The following C20orf203 variants were observed in gnomAD, a reference collection of about 807,000 sequenced individuals.
C20orf203 encodes the protein uncharacterized protein C20orf203.
A neutral mutation model predicts 15.9 loss-of-function variants in C20orf203; 16 were observed. The observed-to-expected ratio is 1.01, with a 90% CI of 0.68 to 1.53. C20orf203 has a LOEUF of 1.53. Ranked by LOEUF, C20orf203 falls within the 40% of genes most tolerant of loss-of-function variation. The pLI, the probability that C20orf203 is intolerant of heterozygous loss-of-function variation, is 0.00. For synonymous variants in C20orf203, 98 were observed against 97.2 expected (o/e 1.01, Z -0.05); for missense variants, 263 against 247.5 (o/e 1.06, Z -0.42).
rs567793523 is a variant in C20orf203, at chr20:32,635,064, G to T, written c.*1300-794C>A. ...AAAATACAAAAATTAGCCGGGCATGGTGGTGCATGCCTGTAATCCCAGCTA... is the reference window on the plus strand; with the variant it reads ...AAAATACAAAAATTAGCCGGGCATGTTGGTGCATGCCTGTAATCCCAGCTA... On this transcript the variant is annotated intron_variant, in intron 5 of 5. Coordinates refer to ENST00000608990, the MANE Select transcript of C20orf203 (RefSeq NM_182584.4). 7.2e-5 allele frequency among the ~76,000 whole-genome samples: 11 copies of T among 152,290 alleles called. No individual in the cohort carries two copies. In the South Asian group the frequency reaches 1.9e-3, roughly 26 times the overall value.
chr20:32,659,718 C>T (rs1487823521), intron 1 of C20orf203, among the ~76,000 whole-genome samples: 2 of 152,240 alleles, frequency 1.3e-5, no homozygotes, highest in Admixed American at 6.5e-5. Context: ...GGCCACTTGT[C>T]CATGTCCCAC....
At chr20:32,662,503 A>G (rs1352681001) in intron 1 of C20orf203, among the ~76,000 whole-genome samples, 7 of 152,176 alleles carry the variant, frequency 4.6e-5, no homozygotes. Context: ...CTGGAGGCTG[A>G]GGCAGGAGAA....
chr20:32,651,105 CA>C lies in C20orf203; in HGVS notation c.47del (p.Leu16ArgfsTer28), dbSNP rs1982608548. 7.0e-7 allele frequency: 1 copy of C among 1,423,722 alleles called. No individual in the cohort carries two copies. Among genetic ancestry groups the C allele is most frequent in the African/African-American group, 1.5e-5 (1 of 67,286 alleles). 88.2% of individuals were successfully genotyped at this position (1,423,722 alleles called of 1,614,324 possible). Reference sequence around the variant, plus strand: ...GATCCAGCATGTTGGGAGGCTGAGGCAGGAGAATCGCTTGAGCCCGGGAGTT... The same window carrying C: ...GATCCAGCATGTTGGGAGGCTGAGGCGGAGAATCGCTTGAGCCCGGGAGTT... ...VLNSRAQAIL[L>X]PQPPNMLDHR... On this transcript the variant is annotated frameshift_variant, in exon 3 of 6. Transcript: ENST00000608990. LOFTEE classifies it high-confidence loss of function.
chr20:32,635,441 G>T (rs1239361581), intron 5 of C20orf203, among the ~76,000 whole-genome samples: 2 of 150,058 alleles, frequency 1.3e-5, no homozygotes. Context: ...GGTTGCAGAA[G>T]GCCAAGATCG....
intron 1 of C20orf203, among the ~76,000 whole-genome samples, chr20:32,655,949 C>T (rs1982743761): frequency 6.6e-6 from 1 of 152,218 alleles, no homozygotes; most frequent in Non-Finnish European, 1.5e-5. Context: ...GCTTGGTGCC[C>T]TCCTCACAGT....
chr20:32,652,223 C>T (rs1982647114), intron 1 of C20orf203, among the ~76,000 whole-genome samples: 1 of 145,648 alleles, frequency 6.9e-6, no homozygotes, highest in Non-Finnish European at 1.5e-5. Context: ...GCACGAGAAT[C>T]ACTTGAACCT....
chr20:32,664,350 C>T (rs1010458928), intron 1 of C20orf203, among the ~76,000 whole-genome samples: 4 of 152,212 alleles, frequency 2.6e-5, no homozygotes, highest in Non-Finnish European at 5.9e-5. Context: ...TGGTCTCCAG[C>T]CTGGATCCCC....
At chr20:32,643,670 C>T (rs1330389817) in intron 4 of C20orf203, among the ~76,000 whole-genome samples, 4 of 129,490 alleles carry the variant, frequency 3.1e-5, no homozygotes, top group Non-Finnish European at 6.9e-5. Context: ...CACACACACA[C>T]ACACGAAAGT....
intron 1 of C20orf203, among the ~76,000 whole-genome samples, chr20:32,661,517 C>G (rs1982891199): frequency 6.6e-6 from 1 of 152,188 alleles, no homozygotes; most frequent in Admixed American, 6.5e-5. Context: ...CCCCTGAACC[C>G]TGAACACAAG....
At chr20:32,658,464 A>T (rs926190232) in intron 1 of C20orf203, among the ~76,000 whole-genome samples, 4 of 151,746 alleles carry the variant, frequency 2.6e-5, no homozygotes, top group African/African-American at 9.7e-5. Flanking sequence ...TAATTTTTGA[A>T]TTTTTTCTTT....
intron 5 of C20orf203, among the ~76,000 whole-genome samples, chr20:32,639,491 T>C (rs78356544): frequency 0.013 from 2,039 of 152,182 alleles, 20 homozygotes; most frequent in Middle Eastern, 0.02. Context: ...ATAAGTGTCA[T>C]TATGAGGAGC....
At chr20:32,655,840 T>C (rs1182142699) in intron 1 of C20orf203, among the ~76,000 whole-genome samples, 1 of 152,178 alleles carries the variant, frequency 6.6e-6, no homozygotes, top group Non-Finnish European at 1.5e-5. Flanking sequence ...GTTGGGATGT[T>C]TGTCTCCTCC....
intron 1 of C20orf203, among the ~76,000 whole-genome samples, chr20:32,652,757 G>A (rs191783397): frequency 6.6e-6 from 1 of 152,308 alleles, no homozygotes; most frequent in East Asian, 1.9e-4. Flanking sequence ...CTGCTGCTGG[G>A]CAATTTGGTG....
At chr20:32,634,641 G>A (rs1982088775) in intron 5 of C20orf203, among the ~76,000 whole-genome samples, 2 of 152,158 alleles carry the variant, frequency 1.3e-5, no homozygotes, top group Admixed American at 1.3e-4. Context: ...GCCACGAGAA[G>A]GGGCCACACT....
At chr20:32,664,555 A>T (rs970045832) in intron 1 of C20orf203, among the ~76,000 whole-genome samples, 24 of 152,272 alleles carry the variant, frequency 1.6e-4, no homozygotes, top group African/African-American at 5.3e-4. Flanking sequence ...CTTGAGGTCG[A>T]TGGAAACCCA....
chr20:32,636,313 TTCTC>T (rs1218653226), intron 5 of C20orf203, among the ~76,000 whole-genome samples: 2 of 152,220 alleles, frequency 1.3e-5, no homozygotes, highest in African/African-American at 2.4e-5. Context: ...AATTTGCTTT[TTCTC>T]TCTCTCTTTG....
chr20:32,650,618 C>A lies in C20orf203; in HGVS notation c.399G>T (p.Gly133=), dbSNP rs1359022484. Reference sequence around the variant, plus strand: ...TTCTGGGCATCCCTCCCATTGCCCTCCCCCGCCCAGCAGGGGCCCGCAGCC... The same window carrying A: ...TTCTGGGCATCCCTCCCATTGCCCTACCCCGCCCAGCAGGGGCCCGCAGCC... ...GRGLRAPAGR[G]RAMGGMPRMG... Residue 133 remains glycine (G), a synonymous_variant, in exon 4 of 6, where the codon GGG becomes GGT. Transcript: ENST00000608990. The A allele has an allele frequency of 2.7e-5, 41 of 1,540,642 alleles. No homozygotes were observed. Among genetic ancestry groups the A allele is most frequent in the Non-Finnish European group, 3.3e-5 (38 of 1,138,308 alleles).
At chr20:32,661,266 G>A (rs1360898780) in intron 1 of C20orf203, among the ~76,000 whole-genome samples, 1 of 152,214 alleles carries the variant, frequency 6.6e-6, no homozygotes, top group African/African-American at 2.4e-5. Flanking sequence ...TGAGGGCTCA[G>A]AGGTGAACCA....
rs1247525514 is a variant in C20orf203 at position 32,654,484 on chromosome 20, C to G, written c.-263-2503G>C. ...CAACTTGGTTCTTTACAGAAATTGA[C>G]AAGCTGATCCTAAAATTCATATGGA... On this transcript the variant is annotated intron_variant, in intron 1 of 5. Coordinates refer to ENST00000608990, the MANE Select transcript of C20orf203 (RefSeq NM_182584.4). 2.0e-5 allele frequency among the ~76,000 whole-genome samples: 3 copies of G among 152,284 alleles called. No individual in the cohort carries two copies. In the East Asian group the frequency reaches 5.8e-4, roughly 29 times the overall value.
Sources: allele counts gnomAD v4.1 joint callset (sites outside exome capture counted in the v4.1 genomes callset), GRCh38; gene constraint gnomAD v4.1.1; transcripts MANE v1.5; gene names NCBI Gene and HGNC (gene_info 2026-07-23, HGNC 2026-07-21).